The following TTN variants were observed in gnomAD, a reference collection of about 807,000 sequenced individuals.
TTN encodes the protein connectin.
A neutral mutation model predicts 3,223.0 loss-of-function variants in TTN; 1,525 were observed. The ratio of observed to expected loss-of-function variants is 0.47; its 90% confidence interval spans 0.45 to 0.49. The LOEUF (loss-of-function observed/expected upper bound fraction) is 0.49. TTN is among the 20% of genes least tolerant of loss of function. The probability of loss-of-function intolerance (pLI) is 0.00; values close to 1 mark genes in which losing one functional copy is unlikely to be tolerated. For missense variants in TTN, 40,786 were observed against 43,424.0 expected, an observed-to-expected ratio of 0.94 and a Z score of 5.40; for synonymous variants, 14,094 against 15,161.0, an observed-to-expected ratio of 0.93 and a Z score of 5.17.
chr2:178,723,797 G>T, intron 73 of TTN, 59 bp downstream of exon 73: 1 of 1,552,110 alleles, frequency 6.4e-7, no homozygotes, highest in Non-Finnish European at 8.7e-7. Flanking sequence ...TGTCAACATA[G>T]ATGTGCACCT....
intron 240 of TTN, among the ~76,000 whole-genome samples, chr2:178,626,678 G>T (rs147298895): frequency 1.3e-5 from 2 of 151,908 alleles, no homozygotes; most frequent in Non-Finnish European, 2.9e-5. Flanking sequence ...CAGCTAGGAG[G>T]GGGTAGTTAA....
intron 125 of TTN, 53 bp downstream of exon 125, chr2:178,689,000 A>C (rs922419466): frequency 1.0e-4 from 143 of 1,435,802 alleles, no homozygotes; most frequent in Non-Finnish European, 1.3e-4. Context: ...AACACACTCG[A>C]AGATTTTTTT....
rs754043680 is a variant in TTN at position 178,571,171 on chromosome 2, G to A, written c.74961C>T (p.Asn24987=). Residue 24987 remains asparagine, a synonymous_variant, in exon 326 of 363, where the codon AAC becomes AAT. Coordinates refer to ENST00000589042, the MANE Select transcript of TTN (RefSeq NM_001267550.2). ...VEYEFRVSAE[N]IVGIGKPSKV... ...TACTCGGCTTGCCAATGCCCACGAT[G>A]TTCTCTGCAGAGACTCTAAATTCAT... 2.0e-5 allele frequency: 33 copies of A among 1,613,354 alleles called. No individual in the cohort carries two copies. The Middle Eastern group carries it at 4.9e-4, about 24-fold the overall frequency.
intron 33 of TTN, among the ~76,000 whole-genome samples, chr2:178,772,299 G>A (rs1308474290): frequency 6.6e-6 from 1 of 152,070 alleles, no homozygotes; most frequent in Non-Finnish European, 1.5e-5. Flanking sequence ...TATAAACCAT[G>A]AAACTTTCAT....
At chr2:178,769,549 C>T in intron 37 of TTN, 130 bp downstream of exon 37, 2 of 736,902 alleles carry the variant, frequency 2.7e-6, no homozygotes, top group Non-Finnish European at 3.8e-6. Context: ...CAGGCTTGAG[C>T]CACCCTGCCC....
Position 178,588,573 on chromosome 2 carries a change from A to G in TTN, c.63152T>C (p.Leu21051Ser). 6.5e-7 allele frequency: 1 copy of G among 1,544,372 alleles called. No homozygotes were observed. Reference protein sequence around the residue: ...ENEIGIGEPSLPSRPVVAKDP... With the variant: ...ENEIGIGEPSSPSRPVVAKDP... ...TTTTGCCACCACCGGTCTTGAAGGC[A>G]AGCTTGGTTCTCCAATTCCAATTTC... Residue 21051 changes from leucine to serine, a missense_variant, in exon 304 of 363, where the codon TTG becomes TCG. By Grantham distance (145) the Leu-to-Ser change is moderately radical. Transcript: ENST00000589042.
rs199714102 is a variant in TTN, at chr2:178,532,641, G to A, written c.103974C>T (p.Ile34658=). 1.8e-3 allele frequency: 2,904 copies of A among 1,613,930 alleles called. 5 individuals are homozygous for A. The highest frequency in any genetic ancestry group is 2.0e-3 in the Admixed American group (120 of 60,020). The change falls in exon 358 of 363, where the codon ATC becomes ATT. Residue 34658 remains isoleucine (I), a synonymous_variant. Coordinates refer to ENST00000589042, the MANE Select transcript of TTN (RefSeq NM_001267550.2). ...TGGGGAGGAGTAATTCTTCATCAGA[G>A]ATGTCCCCAAGAGAACGTCTTCTAG... ...YRPRRRSLGD[I]SDEELLLPID... is the part of the protein sequence containing the mutation.
intron 106 of TTN, 65 bp from the exon 107 acceptor site, chr2:178,702,728 T>G: frequency 5.6e-6 from 8 of 1,436,898 alleles, no homozygotes; most frequent in Non-Finnish European, 6.6e-6. Context: ...TACTTGCTTT[T>G]ACCTCAGATA....
rs1199358398 is a variant in TTN, at chr2:178,526,794, G to A, written c.*218C>T. 5 of 418,834 alleles carry A rather than the reference G, an allele frequency of 1.2e-5. No individual in the cohort carries two copies. The highest frequency in any genetic ancestry group is 7.0e-5 in the East Asian group (2 of 28,550). 25.9% of individuals were successfully genotyped at this position (418,834 alleles called of 1,614,324 possible). A position where few individuals can be genotyped will look rare whatever the true frequency, so the allele number is the denominator to read the frequency against. ...TACAAAACTTTATAACCGTTAATCC[G>A]GCTATATACAGTATGTACATGTCAC... is the stretch of plus-strand genomic sequence containing the variant. On this transcript the variant is annotated 3_prime_UTR_variant, in exon 363 of 363. Transcript: ENST00000589042.
Position 178,535,498 on chromosome 2 carries a change from A to G in TTN, c.101117T>C (p.Val33706Ala), listed in dbSNP as rs1261733710. 1.9e-6 allele frequency: 3 copies of G among 1,613,852 alleles called. No homozygotes were observed. The highest frequency in any genetic ancestry group is 2.5e-6 in the Non-Finnish European group (3 of 1,179,810). The change falls in exon 358 of 363, where the codon GTC (valine) becomes GCC (alanine). Residue 33706 changes from valine to alanine, a missense_variant. By Grantham distance (64) the Val-to-Ala change is moderately conservative. Transcript: ENST00000589042. Reference protein sequence around the residue: ...VKVSDVSRDSVNLTWTEPASD... With the variant: ...VKVSDVSRDSANLTWTEPASD... The stretch of plus-strand genomic sequence containing the variant: ...GGCTGGCTCAGTCCATGTTAAGTTG[A>G]CAGAATCTCGTGAGACATCACTAAC...
Position 178,679,356 on chromosome 2 carries a change from T to A in TTN, c.33725A>T (p.Lys11242Met). The A allele has an allele frequency of 3.1e-6, 5 of 1,612,734 alleles. No homozygotes were observed. The highest frequency in any genetic ancestry group is 4.2e-6 in the Non-Finnish European group (5 of 1,179,062). Residue 11242 changes from lysine (K) to methionine (M), a missense_variant, in exon 142 of 363, where the codon AAG becomes ATG. Physicochemically the swap from Lys to Met is moderately conservative, Grantham distance 95. Transcript: ENST00000589042. ...GGATGTACCTTTTGCTGGCGGAGGC[T>A]TCTCCTTTTTAGGAATAAGCACAGG... is the stretch of plus-strand genomic sequence containing the variant. ...KVPVLIPKKE[K>M]PPPAKVPEVP...
Position 178,780,066 on chromosome 2 carries a change from T to TTCTTTTTCATAC in TTN, c.3651_3662dup (p.Tyr1218_Glu1221dup), listed in dbSNP as rs762637057. ...CCATTTTCTTCCTAATTAAGGCTTG[T>TTCTTTTTCATAC]TCTTTTTCATACTCTTTTTCATACT... On this transcript the variant is annotated inframe_insertion, in exon 22 of 363. Coordinates refer to ENST00000589042, the MANE Select transcript of TTN (RefSeq NM_001267550.2). 4 of 1,613,844 alleles carry TTCTTTTTCATAC rather than the reference T, an allele frequency of 2.5e-6. No homozygotes were observed. The Admixed American group carries it at 6.7e-5, about 27-fold the overall frequency.
In TTN at chr2:178,711,063, T is replaced by C; in HGVS notation, c.28173A>G (p.Thr9391=). ...ATGAAAGTTTAAGAATCCACAAACC[T>C]GTGAGAATGAGCCTGGCACTGGAAG... ...SASSSARLIL[T]EGKNPPFFDI... is the part of the protein sequence containing the mutation. Residue 9391 remains threonine, a splice_region_variant and synonymous_variant, in exon 97 of 363, where the codon ACA becomes ACG. Coordinates refer to ENST00000589042, the MANE Select transcript of TTN (RefSeq NM_001267550.2). 1.3e-6 allele frequency: 2 copies of C among 1,574,894 alleles called. No homozygotes were observed. The highest frequency in any genetic ancestry group is 1.7e-6 in the Non-Finnish European group (2 of 1,162,908).
Position 178,723,217 on chromosome 2 carries a change from T to C in TTN, c.21790A>G (p.Lys7264Glu). The C allele has an allele frequency of 6.2e-7, 1 of 1,613,564 alleles. No homozygotes were observed. The highest frequency in any genetic ancestry group is 2.2e-5 in the East Asian group (1 of 44,846). Residue 7264 changes from lysine (K) to glutamate (E), a missense_variant, in exon 75 of 363, where the codon AAA (lysine) becomes GAA (glutamate). By Grantham distance (56) the Lys-to-Glu change is moderately conservative (BLOSUM62 1). Coordinates refer to ENST00000589042, the MANE Select transcript of TTN (RefSeq NM_001267550.2). ...GTAGTTATGTTAAAACCATCCTTTT[T>C]CCAAGTGACAGAAATTGGAAGTGTT... Reference protein sequence around the residue: ...TGTLPISVTWKKDGFNITTSE... With the variant: ...TGTLPISVTWEKDGFNITTSE...
Position 178,602,605 on chromosome 2 carries a change from A to T in TTN, c.54812-15T>A. 1 of 1,465,664 alleles carries T rather than the reference A, an allele frequency of 6.8e-7. No individual in the cohort carries two copies. Among genetic ancestry groups the T allele is most frequent in the Non-Finnish European group, 9.0e-7 (1 of 1,110,718 alleles). 90.8% of individuals were successfully genotyped at this position (1,465,664 alleles called of 1,614,324 possible). A position where few individuals can be genotyped will look rare whatever the true frequency, so the allele number is the denominator to read the frequency against. ...CCCCGGTGGAACTAATAACAAAAGA[A>T]AAAAAAAAGCTTCATCAGATTTTGA... On this transcript the variant is annotated splice_polypyrimidine_tract_variant and intron_variant, in intron 282 of 362. Transcript: ENST00000589042.
chr2:178,578,487 A>G, intron 321 of TTN, 124 bp downstream of exon 321: 1 of 745,068 alleles, frequency 1.3e-6, no homozygotes. Flanking sequence ...ATATGTACTG[A>G]AATAAAAACA....
In TTN at chr2:178,612,829, G is replaced by C; in HGVS notation, c.49892C>G (p.Ala16631Gly). 6.2e-7 allele frequency: 1 copy of C among 1,612,464 alleles called. No individual in the cohort carries two copies. Among genetic ancestry groups the C allele is most frequent in the Non-Finnish European group, 8.5e-7 (1 of 1,179,194 alleles). Reference sequence around the variant, plus strand: ...GGGTTCACTGGGTTCACTTTCCCCAGCCTTATTCACAGCTCTAACTCGGAA... The same window carrying C: ...GGGTTCACTGGGTTCACTTTCCCCACCCTTATTCACAGCTCTAACTCGGAA... Reference protein sequence around the residue: ...YSFRVRAVNKAGESEPSEPSD... With the variant: ...YSFRVRAVNKGGESEPSEPSD... The change falls in exon 265 of 363, where the codon GCT becomes GGT. Residue 16631 changes from alanine (A) to glycine (G), a missense_variant. By Grantham distance (60) the Ala-to-Gly change is moderately conservative. Coordinates refer to ENST00000589042, the MANE Select transcript of TTN (RefSeq NM_001267550.2).
chr2:178,629,125 G>GA (rs944778765), intron 240 of TTN, among the ~76,000 whole-genome samples, 176 bp downstream of exon 240: 1 of 151,870 alleles, frequency 6.6e-6, no homozygotes, highest in Non-Finnish European at 1.5e-5. Flanking sequence ...TTAAACCTAA[G>GA]AAAAAATGCA....
chr2:178,677,238 G>A lies in TTN; in HGVS notation c.34341C>T (p.Pro11447=), dbSNP rs369715093. Residue 11447 remains proline, a synonymous_variant, in exon 147 of 363, where the codon CCC becomes CCT. Coordinates refer to ENST00000589042, the MANE Select transcript of TTN (RefSeq NM_001267550.2). ...KPVPEKKVPV[P]APKKVEPPPP... The stretch of plus-strand genomic sequence containing the variant: ...GTGGAGGTTCCACTTTTTTAGGGGC[G>A]GGAACAGGGACTTTCTTCTCTGGTA... 2.0e-5 allele frequency: 24 copies of A among 1,222,132 alleles called. No individual in the cohort carries two copies. The East Asian group carries it at 3.2e-4, about 16-fold the overall frequency. The allele number at this position is 1,222,132 out of a possible 1,614,324, so 75.7% of individuals were successfully genotyped here. A position where few individuals can be genotyped will look rare whatever the true frequency, so the allele number is the denominator to read the frequency against.
Sources: gnomAD v4.1 joint callset for allele counts (sites outside exome capture counted in the v4.1 genomes callset) on GRCh38, gnomAD v4.1.1 for gene constraint, MANE v1.5 for transcripts, NCBI Gene and HGNC (gene_info 2026-07-23, HGNC 2026-07-21) for gene names.